The following PTER variants were observed in gnomAD, a reference collection of about 807,000 sequenced individuals.
The protein encoded by PTER is phosphotriesterase related.
PTER carries 38 observed loss-of-function variants against 29.6 expected under a neutral mutation model. That is an observed-to-expected ratio of 1.28 (90% CI 0.99 to 1.68). The LOEUF (loss-of-function observed/expected upper bound fraction) is 1.68. PTER is among the 40% of genes most tolerant of loss of function. PTER has a pLI of 0.00. For missense variants in PTER, 482 were observed against 427.8 expected, an observed-to-expected ratio of 1.13 and a Z score of -1.12; for synonymous variants, 172 against 154.5, an observed-to-expected ratio of 1.11 and a Z score of -0.84.
chr10:16,479,994 A>G (rs1835417592), intron 1 of PTER, among the ~76,000 whole-genome samples: 2 of 147,400 alleles, frequency 1.4e-5, no homozygotes, highest in Admixed American at 6.7e-5. Flanking sequence ...ACTTCATTTT[A>G]CTCATAGTAT....
Position 16,486,508 on chromosome 10 carries a change from C to G in PTER, c.589C>G (p.Pro197Ala), listed in dbSNP as rs866132362. The G allele has an allele frequency of 7.4e-6, 12 of 1,614,008 alleles. No homozygotes were observed. The Middle Eastern group carries it at 2.0e-3, about 266-fold the overall frequency. ...TCATGCCCAGGCTCAGCTTGGTTGT[C>G]CTGTTATTATCCATCCTGGACGGAG... ...TAHAQAQLGCPVIIHPGRSSR... is the reference protein window; with the variant it reads ...TAHAQAQLGCAVIIHPGRSSR... The change falls in exon 3 of 5, where the codon CCT becomes GCT. Residue 197 changes from proline to alanine, a missense_variant. By Grantham distance (27) the Pro-to-Ala change is conservative. Transcript: ENST00000535784.
chr10:16,515,617 T>G (rs985377344), downstream of PTER, among the ~76,000 whole-genome samples: 1 of 152,200 alleles, frequency 6.6e-6, no homozygotes, highest in South Asian at 2.1e-4. Flanking sequence ...AGTGAGTTGA[T>G]AGACATTTAC....
At chr10:16,451,303 A>C (rs1421953972) in intron 1 of PTER, among the ~76,000 whole-genome samples, 1 of 152,206 alleles carries the variant, frequency 6.6e-6, no homozygotes, top group Non-Finnish European at 1.5e-5. Flanking sequence ...CCACTGACTC[A>C]AATGTTAATC....
At position 16,476,901 on chromosome 10, in the gene PTER, C is replaced by CTCTCTCTCTTTTTTT. The variant is rs1214090481; in HGVS notation, c.-48-7435_-48-7434insCTCTCTCTTTTTTTT. On this transcript the variant is annotated intron_variant, in intron 1 of 4. Transcript: ENST00000535784. ...CAAACCACCCCTCCATCCTAGAATTCTTTTTTTTTTTTTTTTTTTTTTGAG... is the reference window on the plus strand; with the variant it reads ...CAAACCACCCCTCCATCCTAGAATTCTCTCTCTCTTTTTTTTTTTTTTTTTTTTTTTTTTTTTGAG... 7.4e-3 allele frequency among the ~76,000 whole-genome samples: 743 copies of CTCTCTCTCTTTTTTT among 100,330 alleles called. 87 individuals are homozygous for CTCTCTCTCTTTTTTT. The highest frequency in any genetic ancestry group is 0.031 in the African/African-American group (697 of 22,316). The allele number at this position is 100,330 out of a possible 152,430, so 65.8% of individuals were successfully genotyped here. A position where few individuals can be genotyped will look rare whatever the true frequency, so the allele number is the denominator to read the frequency against.
chr10:16,462,585 T>TG (rs1414978763), intron 1 of PTER, among the ~76,000 whole-genome samples: 5 of 151,038 alleles, frequency 3.3e-5, no homozygotes, highest in African/African-American at 1.2e-4. Flanking sequence ...TTTTTTTTTT[T>TG]TTTGAGACAG....
chr10:16,474,523 G>A (rs1232459883), intron 1 of PTER, among the ~76,000 whole-genome samples: 1 of 152,000 alleles, frequency 6.6e-6, no homozygotes, highest in African/African-American at 2.4e-5. Flanking sequence ...AATACCTACT[G>A]CTGTGTAACA....
chr10:16,479,690 G>A (rs1323870752), intron 1 of PTER, among the ~76,000 whole-genome samples: 1 of 151,994 alleles, frequency 6.6e-6, no homozygotes, highest in Non-Finnish European at 1.5e-5. Flanking sequence ...AGTCCAGTTA[G>A]AAAGTTCCAT....
intron 3 of PTER, among the ~76,000 whole-genome samples, chr10:16,494,945 ATCAC>A (rs142801363): frequency 0.056 from 8,381 of 149,358 alleles, 289 homozygotes; most frequent in East Asian, 0.15. Context: ...TTAGGTTACA[ATCAC>A]TCAATTATAG....
chr10:16,506,417 G>A (rs992020262), intron 4 of PTER, among the ~76,000 whole-genome samples: 1 of 152,210 alleles, frequency 6.6e-6, no homozygotes, highest in African/African-American at 2.4e-5. Flanking sequence ...TGAGTCCAGG[G>A]AAGTGGTGCC....
intron 1 of PTER, among the ~76,000 whole-genome samples, chr10:16,449,861 C>T (rs1834143901): frequency 6.6e-6 from 1 of 152,120 alleles, no homozygotes; most frequent in Non-Finnish European, 1.5e-5. Context: ...CTTCCTCTAC[C>T]TTAAACCAAG....
chr10:16,469,854 T>G (rs7097032), intron 1 of PTER, among the ~76,000 whole-genome samples: 3,642 of 152,122 alleles, frequency 0.024, 143 homozygotes, highest in African/African-American at 0.083. Flanking sequence ...GTGCTGGGGT[T>G]ATAGCATGAG....
intron 1 of PTER, among the ~76,000 whole-genome samples, chr10:16,457,755 A>G (rs1267573930): frequency 1.3e-5 from 2 of 151,246 alleles, no homozygotes; most frequent in African/African-American, 4.9e-5. Context: ...GCGTGCCACC[A>G]CACCTGTAGT....
chr10:16,463,991 T>C (rs2133398729), intron 1 of PTER, among the ~76,000 whole-genome samples: 1 of 152,300 alleles, frequency 6.6e-6, no homozygotes, highest in African/African-American at 2.4e-5. Context: ...CGGTCCGGTC[T>C]TCCACTGTTT....
intron 2 of PTER, among the ~76,000 whole-genome samples, chr10:16,486,131 T>A (rs1369633308): frequency 6.6e-6 from 1 of 152,224 alleles, no homozygotes; most frequent in Non-Finnish European, 1.5e-5. Flanking sequence ...TGTTAAATAA[T>A]CATGGTATGA....
At chr10:16,466,300 C>CTT (rs11308230) in intron 1 of PTER, among the ~76,000 whole-genome samples, 1 of 146,394 alleles carries the variant, frequency 6.8e-6, no homozygotes, top group Admixed American at 6.8e-5. Flanking sequence ...TTATAACTAC[C>CTT]TTTTTTTTTT....
intron 1 of PTER, chr10:16,437,306 G>T (rs1255799445): frequency 2.0e-5 from 3 of 151,814 alleles, no homozygotes; most frequent in Admixed American, 1.3e-4. Flanking sequence ...GCGTCATCGG[G>T]TAGCTGTGCT....
chr10:16,455,296 A>G (rs1372475680), intron 1 of PTER, among the ~76,000 whole-genome samples: 1 of 152,196 alleles, frequency 6.6e-6, no homozygotes, highest in Non-Finnish European at 1.5e-5. Context: ...AGGGCCAGAA[A>G]AAAGAGAAAC....
chr10:16,474,035 G>A (rs1187546862), intron 1 of PTER, among the ~76,000 whole-genome samples: 1 of 152,226 alleles, frequency 6.6e-6, no homozygotes, highest in Admixed American at 6.5e-5. Flanking sequence ...GGCCAACACA[G>A]TGAAACGTCA....
intron 1 of PTER, among the ~76,000 whole-genome samples, chr10:16,440,992 C>G (rs759892190): frequency 6.6e-6 from 1 of 152,198 alleles, no homozygotes. Flanking sequence ...ATGAATCATG[C>G]TCCTTTTACT....
Sources: allele counts gnomAD v4.1 joint callset (sites outside exome capture counted in the v4.1 genomes callset), GRCh38; gene constraint gnomAD v4.1.1; transcripts MANE v1.5; gene names NCBI Gene and HGNC (gene_info 2026-07-23, HGNC 2026-07-21).